Variants in CNTNAP2 observed in about 807,000 individuals in gnomAD.
The protein encoded by CNTNAP2 is contactin-associated protein-like 2.
CNTNAP2 carries 98 observed loss-of-function variants against 155.2 expected under a neutral mutation model. That is an observed-to-expected ratio of 0.63 (90% CI 0.54 to 0.75). The LOEUF is 0.75. CNTNAP2 is among the 30% of genes least tolerant of loss of function. The pLI is 0.00. For missense variants in CNTNAP2, 1,727 were observed against 1,688.1 expected, an observed-to-expected ratio of 1.02 and a Z score of -0.40; for synonymous variants, 651 against 631.2, an observed-to-expected ratio of 1.03 and a Z score of -0.47.
chr7:147,660,477 A>T (rs935795569), intron 13 of CNTNAP2, among the ~76,000 whole-genome samples: 19 of 152,210 alleles, frequency 1.2e-4, no homozygotes, highest in African/African-American at 4.6e-4. Context: ...TCCCTATAAT[A>T]GGCCAGAAAG....
intron 1 of CNTNAP2, among the ~76,000 whole-genome samples, chr7:146,623,327 T>G (rs1799364884): frequency 6.6e-6 from 1 of 152,202 alleles, no homozygotes; most frequent in African/African-American, 2.4e-5. Context: ...CTCTTCTGTA[T>G]AGTTCTATGG....
chr7:146,342,549 T>C (rs1794747371), intron 1 of CNTNAP2, among the ~76,000 whole-genome samples: 1 of 152,148 alleles, frequency 6.6e-6, no homozygotes. Context: ...ATGATAAAAA[T>C]CTATCACTAA....
intron 20 of CNTNAP2, among the ~76,000 whole-genome samples, chr7:148,252,084 T>C (rs1796372701): frequency 6.6e-6 from 1 of 152,226 alleles, no homozygotes; most frequent in Non-Finnish European, 1.5e-5. Flanking sequence ...CTGATTAGGT[T>C]AGCAGGCCCT....
chr7:147,360,163 C>A (rs913257022), intron 9 of CNTNAP2, among the ~76,000 whole-genome samples: 21 of 152,202 alleles, frequency 1.4e-4, no homozygotes, highest in African/African-American at 4.8e-4. Flanking sequence ...AAGCTTTGAC[C>A]TAATTTGTTT....
At chr7:146,388,483 G>A (rs1183281257) in intron 1 of CNTNAP2, among the ~76,000 whole-genome samples, 2 of 151,896 alleles carry the variant, frequency 1.3e-5, no homozygotes, top group Non-Finnish European at 2.9e-5. Context: ...TATTTATGGG[G>A]TACATGAGAT....
At chr7:146,739,318 C>T (rs754357729) in intron 1 of CNTNAP2, among the ~76,000 whole-genome samples, 2 of 151,850 alleles carry the variant, frequency 1.3e-5, no homozygotes, top group Non-Finnish European at 2.9e-5. Context: ...ATTGCTTTTG[C>T]TCTCCCAGGG....
In CNTNAP2 at chr7:146,518,949, G is replaced by A. The variant is rs141841298; in HGVS notation, c.98-255322G>A. Among the ~76,000 whole-genome samples, 3 of 151,850 alleles carry A rather than the reference G, an allele frequency of 2.0e-5. No homozygotes were observed. The South Asian group carries it at 6.2e-4, about 31-fold the overall frequency. Reference sequence around the variant, plus strand: ...GCATGGAATGACTTTCTTTAACTTCGTGGCCACACAGTTGCTAATTATCTT... The same window carrying A: ...GCATGGAATGACTTTCTTTAACTTCATGGCCACACAGTTGCTAATTATCTT... On this transcript the variant is annotated intron_variant, in intron 1 of 23. Transcript: ENST00000361727.
chr7:146,413,738 T>G (rs1795898747), intron 1 of CNTNAP2, among the ~76,000 whole-genome samples: 1 of 152,208 alleles, frequency 6.6e-6, no homozygotes, highest in African/African-American at 2.4e-5. Flanking sequence ...ACTACTCAAA[T>G]GAATTACACT....
chr7:146,202,413 A>G (rs1798879583), intron 1 of CNTNAP2, among the ~76,000 whole-genome samples: 1 of 152,322 alleles, frequency 6.6e-6, no homozygotes, highest in East Asian at 1.9e-4. Flanking sequence ...TGTAGAAAAT[A>G]TCATATGTAT....
At chr7:147,286,626 C>A (rs999971062) in intron 8 of CNTNAP2, among the ~76,000 whole-genome samples, 2 of 151,986 alleles carry the variant, frequency 1.3e-5, no homozygotes, top group African/African-American at 4.8e-5. Flanking sequence ...GAGAGAAGAC[C>A]TAAACCACTG....
At position 146,741,323 on chromosome 7, in the gene CNTNAP2, C is replaced by T. The variant is rs116480031; in HGVS notation, c.98-32948C>T. On this transcript the variant is annotated intron_variant, in intron 1 of 23. Transcript: ENST00000361727. ...GTGAAGGGATGCTTGCTGGAGAGTCCTACTCCACTGTCTGGCTCCCACAAG... is the reference window on the plus strand; with the variant it reads ...GTGAAGGGATGCTTGCTGGAGAGTCTTACTCCACTGTCTGGCTCCCACAAG... Among the ~76,000 whole-genome samples, 980 of 152,166 alleles carry T rather than the reference C, an allele frequency of 6.4e-3. 6 individuals are homozygous for T. Among genetic ancestry groups the T allele is most frequent in the South Asian group, 0.022 (104 of 4,824 alleles).
At chr7:146,170,950 C>T (rs1001211719) in intron 1 of CNTNAP2, among the ~76,000 whole-genome samples, 1 of 152,062 alleles carries the variant, frequency 6.6e-6, no homozygotes, top group African/African-American at 2.4e-5. Context: ...TCGCATGAAC[C>T]TGGGGGGCGG....
At chr7:147,906,729 G>A (rs1799964167) in intron 14 of CNTNAP2, among the ~76,000 whole-genome samples, 1 of 152,232 alleles carries the variant, frequency 6.6e-6, no homozygotes, top group South Asian at 2.1e-4. Flanking sequence ...CAAAGTGCTG[G>A]GATTATAGGC....
rs76709868 is a variant in CNTNAP2 at position 147,718,444 on chromosome 7, C to A, written c.2098+79138C>A. Among the ~76,000 whole-genome samples, 839 of 152,116 alleles carry A rather than the reference C, an allele frequency of 5.5e-3. 21 individuals are homozygous for A. The East Asian group carries it at 0.065, about 12-fold the overall frequency. ...GTATTCTGCCTGGTTTTAACTGACTCTATAATATTATTAATTTATTAATAT... is the reference window on the plus strand; with the variant it reads ...GTATTCTGCCTGGTTTTAACTGACTATATAATATTATTAATTTATTAATAT... On this transcript the variant is annotated intron_variant, in intron 13 of 23. Transcript: ENST00000361727.
chr7:147,559,064 T>C (rs1389390745), intron 11 of CNTNAP2, among the ~76,000 whole-genome samples: 1 of 151,910 alleles, frequency 6.6e-6, no homozygotes, highest in Non-Finnish European at 1.5e-5. Context: ...TCTGTAGAGA[T>C]GGGGTCTCAC....
chr7:148,202,793 A>T (rs1019789418), intron 18 of CNTNAP2, among the ~76,000 whole-genome samples: 1 of 152,230 alleles, frequency 6.6e-6, no homozygotes, highest in South Asian at 2.1e-4. Context: ...GTGCATGAAG[A>T]TGACCAGAGG....
At chr7:146,138,957 T>TAAGTC (rs1797837012) in intron 1 of CNTNAP2, among the ~76,000 whole-genome samples, 1 of 152,086 alleles carries the variant, frequency 6.6e-6, no homozygotes, top group Non-Finnish European at 1.5e-5. Flanking sequence ...CACTGTAAGT[T>TAAGTC]GAAAATATAG....
rs1230970840 is a variant in CNTNAP2, at chr7:147,529,286, A to T, written c.1778-32852A>T. ...TTTAATATTTATACCTGTTCTGGTGATTCATTTTGGCTTTTGAAAGTGAAC... is the reference window on the plus strand; with the variant it reads ...TTTAATATTTATACCTGTTCTGGTGTTTCATTTTGGCTTTTGAAAGTGAAC... On this transcript the variant is annotated intron_variant, in intron 11 of 23. Transcript: ENST00000361727. Among the ~76,000 whole-genome samples, 3 of 152,210 alleles carry T rather than the reference A, an allele frequency of 2.0e-5. No individual in the cohort carries two copies. In the East Asian group the frequency reaches 5.8e-4, roughly 29 times the overall value.
rs774328147 is a variant in CNTNAP2, at chr7:147,395,691, C to T, written c.1581C>T (p.Asp527=). The change falls in exon 10 of 24, where the codon GAC becomes GAT. Residue 527 remains aspartate, a synonymous_variant. Transcript: ENST00000361727. The part of the protein sequence containing the change: ...FQGCMQLIQV[D]DQLVNLYEVA... ...GATGCATGCAGCTCATTCAAGTGGA[C>T]GATCAACTTGTAAATTTATACGAAG... 35 of 1,612,362 alleles carry T rather than the reference C, an allele frequency of 2.2e-5. No homozygotes were observed. Among genetic ancestry groups the T allele is most frequent in the Non-Finnish European group, 2.8e-5 (33 of 1,178,852 alleles).
Sources: allele counts gnomAD v4.1 joint callset (sites outside exome capture counted in the v4.1 genomes callset), GRCh38; gene constraint gnomAD v4.1.1; transcripts MANE v1.5; gene names NCBI Gene and HGNC (gene_info 2026-07-23, HGNC 2026-07-21).